WDR25: variants seen among roughly 807,000 people sequenced by gnomAD.
WDR25 encodes the protein WD repeat domain 25, also known as WD repeat-containing protein 25.
WDR25 carries 35 observed loss-of-function variants against 47.7 expected under a neutral mutation model. The observed-to-expected ratio is 0.73, with a 90% CI of 0.56 to 0.97. The LOEUF (loss-of-function observed/expected upper bound fraction) is 0.97, where lower values mean the gene tolerates loss of function less well. Among genes scored for constraint, WDR25 ranks in the 50% least tolerant of loss-of-function variants. The probability of loss-of-function intolerance (pLI) is 0.00; values close to 1 mark genes in which losing one functional copy is unlikely to be tolerated. For missense variants in WDR25, 634 were observed against 704.7 expected, an observed-to-expected ratio of 0.90 and a Z score of 1.14; for synonymous variants, 248 against 278.9, an observed-to-expected ratio of 0.89 and a Z score of 1.10.
intron 2 of WDR25, among the ~76,000 whole-genome samples, chr14:100,450,084 C>T (rs1898974973): frequency 6.6e-6 from 1 of 152,216 alleles, no homozygotes; most frequent in South Asian, 2.1e-4. Context: ...CTGGTATGCT[C>T]TTTAAAAACA....
At chr14:100,464,788 CT>C (rs1899561931) in intron 2 of WDR25, among the ~76,000 whole-genome samples, 3 of 94,076 alleles carry the variant, frequency 3.2e-5, no homozygotes, top group South Asian at 7.0e-4. Context: ...CTCATCTCAT[CT>C]CATCTCATCT....
At chr14:100,469,219 C>T (rs1899746185) in intron 3 of WDR25, among the ~76,000 whole-genome samples, 1 of 152,082 alleles carries the variant, frequency 6.6e-6, no homozygotes, top group Non-Finnish European at 1.5e-5. Context: ...GCTGGTCCAA[C>T]CCCTGCCACT....
intron 3 of WDR25, among the ~76,000 whole-genome samples, chr14:100,472,052 C>A (rs4905968): frequency 5.9e-5 from 9 of 152,064 alleles, no homozygotes; most frequent in African/African-American, 1.4e-4. Flanking sequence ...CGGAGAGCTC[C>A]CTCAGTTCTA....
At chr14:100,473,828 C>T (rs563926120) in intron 3 of WDR25, among the ~76,000 whole-genome samples, 2 of 152,336 alleles carry the variant, frequency 1.3e-5, no homozygotes, top group South Asian at 2.1e-4. Flanking sequence ...TGGGCTTCTC[C>T]GTTCTTTGGC....
chr14:100,387,884 A>G (rs1381868689), intron 2 of WDR25, among the ~76,000 whole-genome samples: 1 of 152,164 alleles, frequency 6.6e-6, no homozygotes, highest in Non-Finnish European at 1.5e-5. Flanking sequence ...AGAAGAGATG[A>G]TTTCTGGGGT....
At chr14:100,469,057 C>T (rs750571478) in intron 3 of WDR25, among the ~76,000 whole-genome samples, 2 of 152,218 alleles carry the variant, frequency 1.3e-5, no homozygotes, top group Admixed American at 1.3e-4. Flanking sequence ...CTGGGCTCCA[C>T]TGCCAGGAGC....
chr14:100,437,614 A>G (rs894293511), intron 2 of WDR25, among the ~76,000 whole-genome samples: 3 of 152,134 alleles, frequency 2.0e-5, no homozygotes, highest in Non-Finnish European at 2.9e-5. Context: ...CAGCACCCAG[A>G]CACTTGGGCA....
intron 2 of WDR25, chr14:100,455,452 G>C (rs1899170959): frequency 6.6e-6 from 1 of 151,954 alleles, no homozygotes; most frequent in African/African-American, 2.4e-5. Flanking sequence ...AGCTCCAGAA[G>C]AGAGGAGGGA....
chr14:100,414,705 T>G (rs1490838799), intron 2 of WDR25, among the ~76,000 whole-genome samples: 4 of 152,184 alleles, frequency 2.6e-5, no homozygotes, highest in South Asian at 2.1e-4. Flanking sequence ...TGCAGGCTCA[T>G]ATGGTAATTG....
chr14:100,435,246 C>T (rs775925856), intron 2 of WDR25, among the ~76,000 whole-genome samples: 5 of 152,310 alleles, frequency 3.3e-5, no homozygotes, highest in Admixed American at 6.5e-5. Context: ...TGTACTTGCT[C>T]CTCCTGCTGG....
chr14:100,491,154 G>A (rs188537631), intron 4 of WDR25, among the ~76,000 whole-genome samples: 5 of 152,294 alleles, frequency 3.3e-5, no homozygotes, highest in South Asian at 4.2e-4. Flanking sequence ...CGCTGTGTGC[G>A]CCATGGCTCA....
Position 100,460,354 on chromosome 14 carries a change from C to T in WDR25, c.823-7667C>T, listed in dbSNP as rs139430140. ...GTCTTGATCTCCTGACCACATGATCCGCCTGCCTCGGCCTCCCAAAGTGCT... is the reference window on the plus strand; with the variant it reads ...GTCTTGATCTCCTGACCACATGATCTGCCTGCCTCGGCCTCCCAAAGTGCT... On this transcript the variant is annotated intron_variant, in intron 2 of 6. Coordinates refer to ENST00000402312, the MANE Select transcript of WDR25 (RefSeq NM_001161476.3). Among the ~76,000 whole-genome samples, 708 of 152,054 alleles carry T rather than the reference C, an allele frequency of 4.7e-3. 5 individuals carry two copies. Among genetic ancestry groups the T allele is most frequent in the African/African-American group, 0.016 (680 of 41,496 alleles).
In WDR25 at chr14:100,428,175, C is replaced by T. The variant is rs778045539; in HGVS notation, c.823-39846C>T. Among the ~76,000 whole-genome samples, 7 of 152,236 alleles carry T rather than the reference C, an allele frequency of 4.6e-5. No homozygotes were observed. The highest frequency in any genetic ancestry group is 1.0e-4 in the Non-Finnish European group (7 of 68,038). ...CGTTTGTCGTGTGCTCCGACCGAAG[C>T]GTTGGCACTGACCCGTCTAGAATTC... is the stretch of plus-strand genomic sequence containing the variant. On this transcript the variant is annotated intron_variant, in intron 2 of 6. Coordinates refer to ENST00000402312, the MANE Select transcript of WDR25 (RefSeq NM_001161476.3). The surrounding 1 kb of genome is among the most constrained non-coding windows in gnomAD (Gnocchi z 4.3).
At chr14:100,427,044 T>C (rs1050579938) in intron 2 of WDR25, among the ~76,000 whole-genome samples, 1 of 152,080 alleles carries the variant, frequency 6.6e-6, no homozygotes, top group Non-Finnish European at 1.5e-5. Context: ...AAAAGCCCGG[T>C]CCATCAATGT....
At chr14:100,493,944 T>G (rs1900648026) in intron 4 of WDR25, among the ~76,000 whole-genome samples, 1 of 152,240 alleles carries the variant, frequency 6.6e-6, no homozygotes, top group African/African-American at 2.4e-5. Context: ...TTTGCAAACC[T>G]GCAAGAGTGC....
intron 2 of WDR25, among the ~76,000 whole-genome samples, chr14:100,395,448 T>C (rs75445595): frequency 8.9e-4 from 136 of 152,318 alleles, no homozygotes; most frequent in African/African-American, 3.2e-3. Context: ...AGCATCCGTA[T>C]GCCCCCTTTA....
chr14:100,437,419 G>C (rs1898533713), intron 2 of WDR25, among the ~76,000 whole-genome samples: 1 of 152,158 alleles, frequency 6.6e-6, no homozygotes, highest in South Asian at 2.1e-4. Flanking sequence ...CCCAAGAAGT[G>C]GTACTATAGT....
intron 3 of WDR25, among the ~76,000 whole-genome samples, chr14:100,469,253 C>T (rs369194359): frequency 3.9e-5 from 6 of 152,292 alleles, no homozygotes; most frequent in South Asian, 2.1e-4. Flanking sequence ...CCCCAGGAGA[C>T]GCAGAGGGAA....
chr14:100,486,505 C>T (rs912644805), intron 4 of WDR25, among the ~76,000 whole-genome samples: 2 of 152,144 alleles, frequency 1.3e-5, no homozygotes, highest in Non-Finnish European at 2.9e-5. Context: ...GGGGCTCGTT[C>T]CGTTTGCATC....
Sources: gnomAD v4.1 joint callset for allele counts (sites outside exome capture counted in the v4.1 genomes callset) on GRCh38, gnomAD v4.1.1 for gene constraint, Gnocchi (gnomAD v3.1) non-coding constraint, MANE v1.5 for transcripts, NCBI Gene and HGNC (gene_info 2026-07-23, HGNC 2026-07-21) for gene names.